Variants in PMM2 observed in about 807,000 individuals in gnomAD.
PMM2 encodes mannose-6-phosphate isomerase.
A neutral mutation model predicts 33.2 loss-of-function variants in PMM2; 35 were observed. The ratio of observed to expected loss-of-function variants is 1.06; its 90% CI spans 0.81 to 1.40. The LOEUF is 1.40. PMM2 is among the 40% of genes most tolerant of loss of function. The probability of loss-of-function intolerance (pLI) is 0.00; values close to 1 mark genes in which losing one functional copy is unlikely to be tolerated. For synonymous variants in PMM2, 153 were observed against 114.7 expected (o/e 1.33, Z -2.13); for missense variants, 386 against 306.0 (o/e 1.26, Z -1.95).
chr16:8,845,582 T>C (rs9924356), intron 7 of PMM2, among the ~76,000 whole-genome samples: 43,927 of 151,456 alleles, frequency 0.29, 6,538 homozygotes, highest in South Asian at 0.34. Context: ...CTTTGGTTTT[T>C]TGTTTGTTTT....
chr16:8,803,950 C>G (rs944821902), intron 2 of PMM2, among the ~76,000 whole-genome samples: 2 of 150,674 alleles, frequency 1.3e-5, no homozygotes, highest in Non-Finnish European at 2.9e-5. Flanking sequence ...TCCCAAAGTG[C>G]TGGGATTACA....
Position 8,848,249 on chromosome 16 carries a change from G to T in PMM2, c.*424G>T, listed in dbSNP as rs768439504. 9.2e-6 allele frequency: 2 copies of T among 217,996 alleles called. No homozygotes were observed. The highest frequency in any genetic ancestry group is 5.2e-5 in the Admixed American group (1 of 19,056). 13.5% of individuals were successfully genotyped at this position (217,996 alleles called of 1,614,324 possible). A position where few individuals can be genotyped will look rare whatever the true frequency, so the allele number is the denominator to read the frequency against. On this transcript the variant is annotated 3_prime_UTR_variant, in exon 8 of 8. Coordinates refer to ENST00000268261, the MANE Select transcript of PMM2 (RefSeq NM_000303.3). ...CCCCTGCATCAATACCAAACATGGG[G>T]GTTTGGTAATGAGAAACCAGGACAG...
At chr16:8,837,973 C>T (rs1413993625) in intron 7 of PMM2, among the ~76,000 whole-genome samples, 2 of 152,128 alleles carry the variant, frequency 1.3e-5, no homozygotes, top group Middle Eastern at 3.2e-3. Flanking sequence ...TGAAGTGTTT[C>T]ATGCGCGTCC....
At chr16:8,810,403 C>G (rs2060670944) in intron 4 of PMM2, 1 of 152,266 alleles carries the variant, frequency 6.6e-6, no homozygotes, top group African/African-American at 2.4e-5. Context: ...TTTCATAGCT[C>G]TTTATTAACC....
At chr16:8,845,914 G>A (rs2060923000) in intron 7 of PMM2, among the ~76,000 whole-genome samples, 1 of 151,958 alleles carries the variant, frequency 6.6e-6, no homozygotes, top group Non-Finnish European at 1.5e-5. Flanking sequence ...CCCAGCCTGG[G>A]CAACATAGCA....
At chr16:8,816,002 A>G (rs1186386126) in intron 7 of PMM2, among the ~76,000 whole-genome samples, 1 of 152,232 alleles carries the variant, frequency 6.6e-6, no homozygotes, top group Admixed American at 6.5e-5. Context: ...ACTTGAATAG[A>G]CAGTTCTCCA....
At chr16:8,814,004 T>C (rs1018295133) in intron 7 of PMM2, among the ~76,000 whole-genome samples, 14 of 151,826 alleles carry the variant, frequency 9.2e-5, no homozygotes, top group African/African-American at 3.4e-4. Flanking sequence ...GTACCTGATA[T>C]TACGGGCATG....
At chr16:8,831,619 A>G (rs1157281433) in intron 7 of PMM2, among the ~76,000 whole-genome samples, 1 of 152,208 alleles carries the variant, frequency 6.6e-6, no homozygotes. Flanking sequence ...ACCCACTGCT[A>G]CCAGCGAAGC....
At chr16:8,806,842 C>G (rs1188005410) in intron 4 of PMM2, 1 of 197,928 alleles carries the variant, frequency 5.1e-6, no homozygotes, top group South Asian at 9.6e-5. Flanking sequence ...GCAGCATGTA[C>G]AAAAAGCAAC....
intron 2 of PMM2, among the ~76,000 whole-genome samples, chr16:8,803,815 C>T (rs148868761): frequency 0.032 from 4,898 of 151,448 alleles, 255 homozygotes; most frequent in African/African-American, 0.11. Flanking sequence ...TCCGAAGTAG[C>T]TGGGACTACA....
chr16:8,804,021 G>GTTTTTTTTTTTT (rs113764347), intron 2 of PMM2, among the ~76,000 whole-genome samples: 2 of 72,572 alleles, frequency 2.8e-5, no homozygotes, highest in African/African-American at 9.7e-5. Flanking sequence ...TTGTTTTTTG[G>GTTTTTTTTTTTT]GTTTTTTTTG....
intron 7 of PMM2, among the ~76,000 whole-genome samples, chr16:8,823,191 G>A (rs904783199): frequency 2.0e-5 from 3 of 152,174 alleles, no homozygotes; most frequent in East Asian, 3.9e-4. Flanking sequence ...AGAGGAGGAA[G>A]GCAGTGGCAA....
At position 8,804,795 on chromosome 16, in the gene PMM2, A is replaced by C. The variant is rs1053902842; in HGVS notation, c.207A>C (p.Pro69=). 6.2e-7 allele frequency: 1 copy of C among 1,613,518 alleles called. No homozygotes were observed. ...TTGAAAAATACGATTATGTGTTTCCAGAAAATGGCTTGGTAGCATACAAAG... is the reference window on the plus strand; with the variant it reads ...TTGAAAAATACGATTATGTGTTTCCCGAAAATGGCTTGGTAGCATACAAAG... The part of the protein sequence containing the change: ...DVVEKYDYVF[P]ENGLVAYKDG... Residue 69 remains proline (P), a synonymous_variant, in exon 3 of 8, where the codon CCA becomes CCC. Coordinates refer to ENST00000268261, the MANE Select transcript of PMM2 (RefSeq NM_000303.3).
intron 1 of PMM2, among the ~76,000 whole-genome samples, chr16:8,798,398 G>C (rs1178350343): frequency 6.6e-6 from 1 of 152,140 alleles, no homozygotes; most frequent in Non-Finnish European, 1.5e-5. Context: ...TGACATCTGT[G>C]TGACCTTCAG....
chr16:8,840,522 G>A (rs1048505878), intron 7 of PMM2, among the ~76,000 whole-genome samples: 1 of 151,984 alleles, frequency 6.6e-6, no homozygotes, highest in Non-Finnish European at 1.5e-5. Flanking sequence ...GGGTGACTTC[G>A]TAAAGCCCTG....
chr16:8,810,587 T>C (rs1477578018), intron 4 of PMM2: 1 of 151,234 alleles, frequency 6.6e-6, no homozygotes. Context: ...TTTTTTTTTT[T>C]TTTTTTTGAG....
chr16:8,846,078 C>G (rs1237640369), intron 7 of PMM2, among the ~76,000 whole-genome samples: 2 of 152,232 alleles, frequency 1.3e-5, no homozygotes, highest in African/African-American at 4.8e-5. Flanking sequence ...AAGGCCCTGA[C>G]AGGTTCCCAA....
At chr16:8,816,736 G>T (rs1445738135) in intron 7 of PMM2, among the ~76,000 whole-genome samples, 1 of 151,936 alleles carries the variant, frequency 6.6e-6, no homozygotes, top group Non-Finnish European at 1.5e-5. Context: ...AGCGAAACTC[G>T]GTCTCAAAAA....
intron 7 of PMM2, among the ~76,000 whole-genome samples, chr16:8,826,412 G>C (rs1182252302): frequency 6.6e-6 from 1 of 152,138 alleles, no homozygotes; most frequent in Admixed American, 6.5e-5. Context: ...CTAGCTAGGA[G>C]TCATGGCTAC....
Sources: allele counts gnomAD v4.1 joint callset (sites outside exome capture counted in the v4.1 genomes callset), GRCh38; gene constraint gnomAD v4.1.1; transcripts MANE v1.5; gene names NCBI Gene and HGNC (gene_info 2026-07-23, HGNC 2026-07-21).